Variants in DSTYK observed in about 807,000 individuals in gnomAD.
The protein encoded by DSTYK is RIP-homologous kinase.
Under a neutral mutation model 98.7 loss-of-function variants are expected in DSTYK, and 34 were observed. The observed-to-expected ratio is 0.34, with a 90% CI of 0.26 to 0.46. The LOEUF is 0.46. Ranked by LOEUF, DSTYK falls within the 20% of genes least tolerant of loss-of-function variation. The probability of loss-of-function intolerance (pLI) is 1.00; values close to 1 mark genes in which losing one functional copy is unlikely to be tolerated. For missense variants in DSTYK, 962 were observed against 1,181.7 expected, an observed-to-expected ratio of 0.81 and a Z score of 2.73; for synonymous variants, 462 against 457.3, an observed-to-expected ratio of 1.01 and a Z score of -0.13.
intron 10 of DSTYK, among the ~76,000 whole-genome samples, chr1:205,153,269 G>A (rs981485587): frequency 6.6e-6 from 1 of 152,126 alleles, no homozygotes; most frequent in Non-Finnish European, 1.5e-5. Flanking sequence ...ACTTTCAAGA[G>A]GAGCAGGTCG....
At chr1:205,195,126 C>CA (rs71917468) in intron 1 of DSTYK, among the ~76,000 whole-genome samples, 44,724 of 151,730 alleles carry the variant, frequency 0.29, 8,625 homozygotes, top group Non-Finnish European at 0.43. Context: ...CATGCCTGGC[C>CA]AAAAATATCA....
At chr1:205,181,653 GGTTTGTGTGT>G (rs1021810967) in intron 2 of DSTYK, among the ~76,000 whole-genome samples, 5 of 84,050 alleles carry the variant, frequency 5.9e-5, no homozygotes, top group East Asian at 2.5e-4. Context: ...CAGATGTTGG[GGTTTGTGTGT>G]GTGTGTGTGT....
Position 205,162,924 on chromosome 1 carries a change from T to C in DSTYK, c.1640A>G (p.Gln547Arg). 2.5e-6 allele frequency: 4 copies of C among 1,611,156 alleles called. No individual in the cohort carries two copies. In the East Asian group the frequency reaches 8.9e-5, roughly 36 times the overall value. The change falls in exon 5 of 13, where the codon CAG (glutamine) becomes CGG (arginine). Residue 547 changes from glutamine (Q) to arginine (R), a missense_variant and splice_region_variant. Coordinates refer to ENST00000367162, the MANE Select transcript of DSTYK (RefSeq NM_015375.3). ...VTRMLWEQIK[Q>R]IIQRITWVSP... ...CTTTCTCTAAGTAATAATCCCTACC[T>C]GTTTGATTTGCTCCCATAGCATCCT... is the stretch of plus-strand genomic sequence containing the variant.
chr1:205,163,694 C>T (rs1212229237), intron 4 of DSTYK, 29 bp downstream of exon 4: 2 of 1,568,952 alleles, frequency 1.3e-6, no homozygotes, highest in East Asian at 2.3e-5. Context: ...ATCTATGACA[C>T]GATGTCTTAA....
rs36093419 is a variant in DSTYK, at chr1:205,145,365, TATC to T, written c.*2190_*2192del. ...TTTAGGGAGCTACTATGCTCAAACA[TATC>T]ATGATCAGAGCCCAGGATAGCCAAA... On this transcript the variant is annotated 3_prime_UTR_variant, in exon 13 of 13. Coordinates refer to ENST00000367162, the MANE Select transcript of DSTYK (RefSeq NM_015375.3). 0.19 allele frequency: 28,474 copies of T among 151,872 alleles called. 3,445 individuals are homozygous for T. Among genetic ancestry groups the T allele is most frequent in the East Asian group, 0.51 (2,605 of 5,094 alleles). The allele number at this position is 151,872 out of a possible 1,614,324, so 9.4% of individuals were successfully genotyped here. A position where few individuals can be genotyped will look rare whatever the true frequency, so the allele number is the denominator to read the frequency against.
chr1:205,159,508 G>A (rs776953097), intron 9 of DSTYK, 39 bp downstream of exon 9: 11 of 1,586,930 alleles, frequency 6.9e-6, no homozygotes, highest in South Asian at 4.6e-5. Context: ...AAAGGAACCC[G>A]TGGATTTGGC....
chr1:205,211,346 G>A lies in DSTYK; in HGVS notation c.190C>T (p.Leu64Phe), dbSNP rs78212113. The A allele has an allele frequency of 0.021, 33,477 of 1,612,030 alleles. 569 individuals are homozygous for A. Among genetic ancestry groups the A allele is most frequent in the East Asian group, 0.062 (2,792 of 44,770 alleles). ...DIKCSHNHTCLSSLTGGGGAE... is the reference protein window; with the variant it reads ...DIKCSHNHTCFSSLTGGGGAE... ...CCGCCGCCGCCCGTGAGGGAGGAGA[G>A]ACAAGTGTGGTTGTGGGAGCACTTG... The change falls in exon 1 of 13, where the codon CTC becomes TTC. Residue 64 changes from leucine (L) to phenylalanine (F), a missense_variant. Around this residue, in one of 4 missense-constraint regions of DSTYK, gnomAD observed 168 missense variants for 120.0 expected, o/e 1.40. Transcript: ENST00000367162.
intron 1 of DSTYK, among the ~76,000 whole-genome samples, chr1:205,201,427 A>G (rs1405643967): frequency 6.9e-6 from 1 of 145,080 alleles, no homozygotes; most frequent in Non-Finnish European, 1.5e-5. Context: ...AAAAAAAAGA[A>G]TGCAACTGCA....
intron 5 of DSTYK, 110 bp downstream of exon 5, chr1:205,162,813 T>C (rs1216219118): frequency 8.4e-6 from 7 of 831,516 alleles, no homozygotes; most frequent in Admixed American, 3.9e-5. Flanking sequence ...GAACAAATGG[T>C]CACCCTGCCT....
chr1:205,184,976 G>A (rs1427823079), intron 2 of DSTYK, among the ~76,000 whole-genome samples: 4 of 152,272 alleles, frequency 2.6e-5, no homozygotes, highest in Non-Finnish European at 5.9e-5. Context: ...AGAGGTGGGA[G>A]GATCACTTAT....
chr1:205,210,886 C>G (rs1232635655), intron 1 of DSTYK, among the ~76,000 whole-genome samples: 1 of 152,228 alleles, frequency 6.6e-6, no homozygotes, highest in Non-Finnish European at 1.5e-5. Context: ...AACTGGGGCT[C>G]TGACCCACAA....
intron 4 of DSTYK, among the ~76,000 whole-genome samples, chr1:205,163,418 C>T (rs1184700234): frequency 1.3e-5 from 2 of 152,018 alleles, no homozygotes; most frequent in Non-Finnish European, 2.9e-5. Flanking sequence ...GGGATTTCTC[C>T]ATGTTGGTCA....
At chr1:205,207,755 CAAAAAAAAAAAAAAAAAAAAAA>C (rs766036213) in intron 1 of DSTYK, among the ~76,000 whole-genome samples, 123 of 52,730 alleles carry the variant, frequency 2.3e-3, no homozygotes, top group African/African-American at 0.012. Context: ...GACTCTGTCT[CAAAAAAAAAAAAAAAAAAAAAA>C]AAAAAAAAAA....
chr1:205,189,266 G>A (rs1037232000), intron 1 of DSTYK, among the ~76,000 whole-genome samples: 1 of 152,196 alleles, frequency 6.6e-6, no homozygotes, highest in Non-Finnish European at 1.5e-5. Flanking sequence ...CCTAAAGAAT[G>A]AGAATCTGTG....
In DSTYK at chr1:205,210,643, C is replaced by G. The variant is rs145376750; in HGVS notation, c.265+628G>C. 1.4e-4 allele frequency among the ~76,000 whole-genome samples: 22 copies of G among 152,322 alleles called. No homozygotes were observed. In the East Asian group the frequency reaches 4.2e-3, roughly 29 times the overall value. ...GCTCAGGACCAAAATGATCCCTTCC[C>G]TCTCTTCTTCACCTTAAGCATGAGC... is the stretch of plus-strand genomic sequence containing the variant. On this transcript the variant is annotated intron_variant, in intron 1 of 12. Coordinates refer to ENST00000367162, the MANE Select transcript of DSTYK (RefSeq NM_015375.3).
intron 2 of DSTYK, among the ~76,000 whole-genome samples, chr1:205,184,292 G>T (rs1658503486): frequency 6.6e-6 from 1 of 151,952 alleles, no homozygotes; most frequent in South Asian, 2.1e-4. Context: ...AAAATTTAGG[G>T]CCAGGCATAG....
In DSTYK at chr1:205,143,185, T is replaced by TG. The variant is rs1176265239; in HGVS notation, c.*4372dup. The TG allele has an allele frequency of 2.0e-5, 3 of 151,444 alleles. No individual in the cohort carries two copies. Among genetic ancestry groups the TG allele is most frequent in the Non-Finnish European group, 4.4e-5 (3 of 67,906 alleles). 9.4% of individuals were successfully genotyped at this position (151,444 alleles called of 1,614,324 possible). On this transcript the variant is annotated 3_prime_UTR_variant, in exon 13 of 13. Transcript: ENST00000367162. ...TTTTTGAGATGGAGTCTTGCTCTGCTGCCCAGGCTGGAGTGCAGTGGTGTG... is the reference window on the plus strand; with the variant it reads ...TTTTTGAGATGGAGTCTTGCTCTGCTGGCCCAGGCTGGAGTGCAGTGGTGTG...
intron 2 of DSTYK, among the ~76,000 whole-genome samples, chr1:205,179,153 T>C (rs996357693): frequency 6.6e-6 from 1 of 150,760 alleles, no homozygotes; most frequent in African/African-American, 2.4e-5. Flanking sequence ...ACAGGAATTA[T>C]AGCCCCATCT....
intron 1 of DSTYK, chr1:205,202,117 G>GGGGAAGGGAA (rs147957741): frequency 5.6e-5 from 25 of 449,624 alleles, no homozygotes; most frequent in Non-Finnish European, 7.1e-5. Flanking sequence ...GAAGGGAGAA[G>GGGGAAGGGAA]GGGAAGGGAA....
Sources: allele counts gnomAD v4.1 joint callset (sites outside exome capture counted in the v4.1 genomes callset), GRCh38; gene constraint gnomAD v4.1.1; regional missense constraint gnomAD v4.1.1; transcripts MANE v1.5; gene names NCBI Gene and HGNC (gene_info 2026-07-23, HGNC 2026-07-21).